Variants in FBXL17 observed in about 807,000 individuals in gnomAD.
The protein encoded by FBXL17 is F-box/LRR-repeat protein 17.
FBXL17 carries 22 observed loss-of-function variants against 66.2 expected under a neutral mutation model. That is an observed-to-expected ratio of 0.33 (90% CI 0.24 to 0.47). The LOEUF (loss-of-function observed/expected upper bound fraction) is 0.47, where lower values mean the gene tolerates loss of function less well. FBXL17 is among the 20% of genes least tolerant of loss of function. The pLI is 1.00. For synonymous variants in FBXL17, 474 were observed against 400.5 expected (o/e 1.18, Z -2.19); for missense variants, 878 against 948.2 (o/e 0.93, Z 0.97).
chr5:108,094,518 A>G (rs1749299568), intron 6 of FBXL17, among the ~76,000 whole-genome samples: 1 of 152,134 alleles, frequency 6.6e-6, no homozygotes, highest in African/African-American at 2.4e-5. Flanking sequence ...CAATATATTT[A>G]AAGAATACTG....
chr5:108,306,190 A>G (rs571068050), intron 4 of FBXL17, among the ~76,000 whole-genome samples: 20 of 152,236 alleles, frequency 1.3e-4, no homozygotes, highest in African/African-American at 4.6e-4. Context: ...TACTGATATT[A>G]TAATTCTACT....
intron 4 of FBXL17, among the ~76,000 whole-genome samples, chr5:108,284,976 A>G (rs978645011): frequency 2.6e-5 from 4 of 151,888 alleles, no homozygotes; most frequent in African/African-American, 9.7e-5. Context: ...CAGAGTAAAA[A>G]TTGAAGTAAA....
In FBXL17 at chr5:108,382,049, C is replaced by T; in HGVS notation, c.-358G>A. 1.1e-6 allele frequency: 1 copy of T among 910,166 alleles called. No homozygotes were observed. The highest frequency in any genetic ancestry group is 5.2e-5 in the South Asian group (1 of 19,358). 56.4% of individuals were successfully genotyped at this position (910,166 alleles called of 1,614,324 possible). A position where few individuals can be genotyped will look rare whatever the true frequency, so the allele number is the denominator to read the frequency against. On this transcript the variant is annotated 5_prime_UTR_variant, in exon 1 of 9. Coordinates refer to ENST00000542267, the MANE Select transcript of FBXL17 (RefSeq NM_001163315.3). ...GGCCGGGGAAAGGCCGGGTCCCGCT[C>T]GGACCATTTTAACTGCGGATCCGCC... is the stretch of plus-strand genomic sequence containing the variant.
chr5:108,223,211 G>A (rs1376521459), intron 5 of FBXL17, among the ~76,000 whole-genome samples: 1 of 152,074 alleles, frequency 6.6e-6, no homozygotes, highest in Non-Finnish European at 1.5e-5. Context: ...TTCTCCTAGG[G>A]AGTAAAGAAA....
intron 1 of FBXL17, among the ~76,000 whole-genome samples, chr5:108,373,761 T>G (rs183207831): frequency 1.2e-4 from 18 of 151,582 alleles, no homozygotes; most frequent in Middle Eastern, 3.4e-3. Flanking sequence ...ACAAAAAAAA[T>G]GACAAAATTA....
chr5:108,022,201 T>C (rs1754630746), intron 6 of FBXL17, among the ~76,000 whole-genome samples: 1 of 151,868 alleles, frequency 6.6e-6, no homozygotes, highest in South Asian at 2.1e-4. Flanking sequence ...TCTTCCCCTA[T>C]TCAAAAAAGA....
chr5:108,156,603 T>C lies in FBXL17; in HGVS notation c.1745+29514A>G, dbSNP rs1286289400. The stretch of plus-strand genomic sequence containing the variant: ...ATTAGGAATCAATCCCTAATTGTTT[T>C]TGCTTTTTCCTTACTTAAAGAAATT... On this transcript the variant is annotated intron_variant, in intron 6 of 8. Transcript: ENST00000542267. 2.6e-5 allele frequency among the ~76,000 whole-genome samples: 4 copies of C among 152,150 alleles called. No homozygotes were observed. The East Asian group carries it at 7.7e-4, about 29-fold the overall frequency.
chr5:108,381,608 G>T lies in FBXL17; in HGVS notation c.84C>A (p.Arg28=). 6.7e-7 allele frequency: 1 copy of T among 1,482,200 alleles called. No individual in the cohort carries two copies. 91.8% of individuals were successfully genotyped at this position (1,482,200 alleles called of 1,614,324 possible). ...TCCGGCGGGGCAGCCTGAGGAGAGG[G>T]CGCCGGCGGCGGCACCAACTGCAAC... ...PRCCSWCRRR[R]PLLRLPRRTP... Residue 28 remains arginine, a synonymous_variant, in exon 1 of 9, where the codon CGC becomes CGA. Coordinates refer to ENST00000542267, the MANE Select transcript of FBXL17 (RefSeq NM_001163315.3).
chr5:107,929,352 T>C (rs1000158747), intron 7 of FBXL17, among the ~76,000 whole-genome samples: 1 of 152,188 alleles, frequency 6.6e-6, no homozygotes, highest in Non-Finnish European at 1.5e-5. Flanking sequence ...AAGAGCCATA[T>C]TTGTTTGGCA....
Position 108,064,884 on chromosome 5 carries a change from T to C in FBXL17, c.1746-43883A>G, listed in dbSNP as rs150007361. On this transcript the variant is annotated intron_variant, in intron 6 of 8. Coordinates refer to ENST00000542267, the MANE Select transcript of FBXL17 (RefSeq NM_001163315.3). ...TGGGACGGCCTTCCTGCAGCTTCCT[T>C]CCAGCAGAGGATCTCATCTGGGCCA... Among the ~76,000 whole-genome samples, 557 of 152,286 alleles carry C rather than the reference T, an allele frequency of 3.7e-3. 5 individuals carry two copies. Among genetic ancestry groups the C allele is most frequent in the Middle Eastern group, 0.014 (4 of 294 alleles).
intron 1 of FBXL17, 125 bp downstream of exon 1, chr5:108,380,574 G>C: frequency 1.9e-6 from 1 of 521,922 alleles, no homozygotes; most frequent in Non-Finnish European, 3.0e-6. Context: ...TCTCCCCTTG[G>C]GACGTCCCTA....
chr5:108,238,226 G>A (rs1402148787), intron 4 of FBXL17, among the ~76,000 whole-genome samples: 3 of 152,144 alleles, frequency 2.0e-5, no homozygotes, highest in Non-Finnish European at 4.4e-5. Context: ...TCATCACTGT[G>A]CTCTTCATTT....
At chr5:108,142,978 T>TATAATAATAATAATAATAATA (rs10623997) in intron 6 of FBXL17, among the ~76,000 whole-genome samples, 9,133 of 144,968 alleles carry the variant, frequency 0.063, 358 homozygotes, top group East Asian at 0.098. Flanking sequence ...GAACATAAAG[T>TATAATAATAATAATAATAATA]ATAATAATAA....
Position 107,879,351 on chromosome 5 carries a change from T to C in FBXL17, c.1965+1686A>G, listed in dbSNP as rs895550118. On this transcript the variant is annotated intron_variant, in intron 8 of 8. Transcript: ENST00000542267. The stretch of plus-strand genomic sequence containing the variant: ...TCCTGTTTCTAGAGGACTATGCCTA[T>C]GGTGGACCCTTTAACTTGTCTTAAA... The C allele has an allele frequency of 3.0e-6, 3 of 985,298 alleles. No individual in the cohort carries two copies. The African/African-American group carries it at 5.2e-5, about 17-fold the overall frequency. 61.0% of individuals were successfully genotyped at this position (985,298 alleles called of 1,614,324 possible). A position where few individuals can be genotyped will look rare whatever the true frequency, so the allele number is the denominator to read the frequency against.
At chr5:107,975,857 GTT>G (rs1554053909) in intron 7 of FBXL17, among the ~76,000 whole-genome samples, 7 of 79,902 alleles carry the variant, frequency 8.8e-5, no homozygotes, top group South Asian at 3.9e-4. Flanking sequence ...TGTTGTTGTT[GTT>G]TTTTTTTTTT....
intron 8 of FBXL17, among the ~76,000 whole-genome samples, chr5:107,865,982 C>A (rs998604748): frequency 2.0e-5 from 3 of 152,152 alleles, no homozygotes; most frequent in South Asian, 2.1e-4. Flanking sequence ...CACATTCCTG[C>A]AGATATTTTG....
At chr5:107,931,135 G>C (rs1399572709) in intron 7 of FBXL17, among the ~76,000 whole-genome samples, 1 of 152,132 alleles carries the variant, frequency 6.6e-6, no homozygotes, top group Non-Finnish European at 1.5e-5. Flanking sequence ...TTGCACATCT[G>C]AACTGACCAG....
chr5:108,271,172 A>G (rs900083858), intron 4 of FBXL17, among the ~76,000 whole-genome samples: 2 of 152,310 alleles, frequency 1.3e-5, no homozygotes, highest in African/African-American at 4.8e-5. Flanking sequence ...AGTAGAAATC[A>G]TAATACATGA....
chr5:107,884,680 C>A (rs558504692), intron 7 of FBXL17, among the ~76,000 whole-genome samples: 1 of 152,186 alleles, frequency 6.6e-6, no homozygotes, highest in Non-Finnish European at 1.5e-5. Context: ...GTCTCAAGTT[C>A]GGTTCTAGCC....
Sources: allele counts gnomAD v4.1 joint callset (sites outside exome capture counted in the v4.1 genomes callset), GRCh38; gene constraint gnomAD v4.1.1; transcripts MANE v1.5; gene names NCBI Gene and HGNC (gene_info 2026-07-23, HGNC 2026-07-21).